The following ADGRV1 variants were observed in gnomAD, a reference collection of about 807,000 sequenced individuals.
The protein encoded by ADGRV1 is adhesion G protein-coupled receptor V1, also known as G-protein coupled receptor 98.
Under a neutral mutation model 596.2 loss-of-function variants are expected in ADGRV1, and 359 were observed. The ratio of observed to expected loss-of-function variants is 0.60; its 90% confidence interval spans 0.55 to 0.66. The LOEUF is 0.66. ADGRV1 is among the 30% of genes least tolerant of loss of function. ADGRV1 has a pLI of 0.00. For synonymous variants in ADGRV1, 2,681 were observed against 2,679.2 expected (o/e 1.00, Z -0.02); for missense variants, 7,274 against 7,575.6 (o/e 0.96, Z 1.48).
intron 83 of ADGRV1, among the ~76,000 whole-genome samples, chr5:90,947,160 A>G (rs1377977227): frequency 6.6e-6 from 1 of 152,022 alleles, no homozygotes; most frequent in African/African-American, 2.4e-5. Context: ...TTGTTTCTTG[A>G]CTTTTAATAA....
chr5:90,642,189 T>G (rs951952532), intron 11 of ADGRV1, among the ~76,000 whole-genome samples: 45 of 152,312 alleles, frequency 3.0e-4, no homozygotes, highest in African/African-American at 1.0e-3. Flanking sequence ...TCAGTTAGTA[T>G]AATCTTATGT....
intron 87 of ADGRV1, among the ~76,000 whole-genome samples, chr5:91,130,622 G>C (rs1794135341): frequency 6.6e-6 from 1 of 150,844 alleles, no homozygotes; most frequent in Non-Finnish European, 1.5e-5. Flanking sequence ...CTGAATGACA[G>C]ACTCTTTTCA....
At chr5:90,711,460 A>C (rs1749341797) in intron 41 of ADGRV1, 138 bp downstream of exon 41, 1 of 612,192 alleles carries the variant, frequency 1.6e-6, no homozygotes, top group East Asian at 3.1e-5. Flanking sequence ...AAATTAGGAC[A>C]GAAGATTTCC....
At chr5:90,884,377 G>A (rs1486533564) in intron 83 of ADGRV1, among the ~76,000 whole-genome samples, 1 of 152,088 alleles carries the variant, frequency 6.6e-6, no homozygotes, top group Non-Finnish European at 1.5e-5. Context: ...CACATTTTAT[G>A]AAATGTATCT....
chr5:90,663,235 A>G (rs940145487), intron 21 of ADGRV1, among the ~76,000 whole-genome samples: 2 of 140,976 alleles, frequency 1.4e-5, no homozygotes, highest in Non-Finnish European at 3.1e-5. Context: ...CCAACAGTGT[A>G]AAAGTGTTCC....
rs774592336 is a variant in ADGRV1, at chr5:90,703,716, T to G, written c.8207T>G (p.Val2736Gly). Residue 2736 changes from valine to glycine, a missense_variant, in exon 35 of 90, where the codon GTT (valine) becomes GGT (glycine). Around this residue, in one of 5 missense-constraint regions of ADGRV1, gnomAD observed 3,643 missense variants for 3,809.2 expected, o/e 0.96. Transcript: ENST00000405460. The stretch of plus-strand genomic sequence containing the variant: ...AGAACTTTCCCTGGTCGAGGAAATG[T>G]TACTGTTAACTGGAAAATTATTGGG... ...VIRTFPGRGN[V>G]TVNWKIIGQN... 25 of 1,605,670 alleles carry G rather than the reference T, an allele frequency of 1.6e-5. No individual in the cohort carries two copies. The highest frequency in any genetic ancestry group is 2.0e-5 in the Non-Finnish European group (23 of 1,175,344).
chr5:90,902,292 G>C (rs140224441), intron 83 of ADGRV1, among the ~76,000 whole-genome samples: 1 of 152,218 alleles, frequency 6.6e-6, no homozygotes, highest in African/African-American at 2.4e-5. Context: ...CCTGTGGAAG[G>C]TTACAGATTA....
Position 91,150,149 on chromosome 5 carries a change from C to T in ADGRV1, c.18552C>T (p.Pro6184=), listed in dbSNP as rs376764785. 1.8e-5 allele frequency: 28 copies of T among 1,595,772 alleles called. No homozygotes were observed. The highest frequency in any genetic ancestry group is 1.5e-4 in the African/African-American group (11 of 74,000). The change falls in exon 88 of 90, where the codon CCC becomes CCT. Residue 6184 remains proline (P), a synonymous_variant. Transcript: ENST00000405460. ...HPGPSTAFFT[P]GSGMPPAGGE... is the part of the protein sequence containing the mutation. ...GACCCAGCACAGCCTTTTTCACGCCCGGGAGTGGAATGCCTCCTGCTGGAG... is the reference window on the plus strand; with the variant it reads ...GACCCAGCACAGCCTTTTTCACGCCTGGGAGTGGAATGCCTCCTGCTGGAG...
intron 86 of ADGRV1, among the ~76,000 whole-genome samples, chr5:91,097,510 C>T (rs557686932): frequency 2.6e-5 from 4 of 152,222 alleles, no homozygotes; most frequent in South Asian, 2.1e-4. Flanking sequence ...CACCTTTTGG[C>T]TATTGTGATA....
At chr5:90,946,220 C>T (rs956525530) in intron 83 of ADGRV1, among the ~76,000 whole-genome samples, 1 of 151,778 alleles carries the variant, frequency 6.6e-6, no homozygotes, top group Non-Finnish European at 1.5e-5. Flanking sequence ...ACCGCAGTGC[C>T]GCAGCTGAGT....
At chr5:91,078,605 C>T (rs1789052838) in intron 86 of ADGRV1, among the ~76,000 whole-genome samples, 1 of 152,176 alleles carries the variant, frequency 6.6e-6, no homozygotes. Flanking sequence ...TTGGAAGCCA[C>T]CATCTAAGTT....
intron 21 of ADGRV1, among the ~76,000 whole-genome samples, chr5:90,671,738 A>G (rs1023263806): frequency 3.3e-5 from 5 of 152,116 alleles, no homozygotes; most frequent in Non-Finnish European, 7.4e-5. Context: ...TTTTTCTCCA[A>G]ACTATATATT....
chr5:90,643,076 TAAGA>T, intron 13 of ADGRV1, 35 bp downstream of exon 13: 1 of 1,508,216 alleles, frequency 6.6e-7, no homozygotes, highest in South Asian at 1.1e-5. Flanking sequence ...TGTTTCTCTG[TAAGA>T]TTGATAGTAT....
intron 59 of ADGRV1, among the ~76,000 whole-genome samples, chr5:90,763,931 T>C (rs923796133): frequency 2.6e-5 from 4 of 152,248 alleles, no homozygotes; most frequent in African/African-American, 7.2e-5. Context: ...TCACTGTTGA[T>C]GGACACTAAA....
At chr5:90,907,119 G>A (rs928743121) in intron 83 of ADGRV1, among the ~76,000 whole-genome samples, 1 of 152,152 alleles carries the variant, frequency 6.6e-6, no homozygotes, top group Admixed American at 6.5e-5. Flanking sequence ...GTTATTATGG[G>A]CATTATGAAT....
chr5:90,863,779 C>T lies in ADGRV1; in HGVS notation c.17778C>T (p.Ser5926=), dbSNP rs756635099. The part of the protein sequence containing the change: ...CISGLCLAVL[S]HIFCARYSMF... ...CAGGTCTTTGCTTGGCTGTTCTTTCCCATATCTTCTGTGCCAGGTACTCCA... is the reference window on the plus strand; with the variant it reads ...CAGGTCTTTGCTTGGCTGTTCTTTCTCATATCTTCTGTGCCAGGTACTCCA... Residue 5926 remains serine, a synonymous_variant, in exon 83 of 90, where the codon TCC becomes TCT. Transcript: ENST00000405460. 4.3e-6 allele frequency: 7 copies of T among 1,613,272 alleles called. No homozygotes were observed. The highest frequency in any genetic ancestry group is 1.7e-4 in the Middle Eastern group (1 of 6,058).
chr5:90,921,243 T>A (rs962969366), intron 83 of ADGRV1, among the ~76,000 whole-genome samples: 1 of 152,248 alleles, frequency 6.6e-6, no homozygotes, highest in Non-Finnish European at 1.5e-5. Flanking sequence ...AATATCACAC[T>A]GTGTGAATGG....
chr5:90,560,171 T>C (rs1237964815), intron 1 of ADGRV1, among the ~76,000 whole-genome samples: 1 of 152,182 alleles, frequency 6.6e-6, no homozygotes, highest in Admixed American at 6.5e-5. Context: ...AGTTTCTTCA[T>C]TTATAAAATA....
chr5:90,763,639 G>A (rs973054579), intron 59 of ADGRV1, among the ~76,000 whole-genome samples, 170 bp downstream of exon 59: 12 of 152,120 alleles, frequency 7.9e-5, no homozygotes, highest in African/African-American at 2.7e-4. Context: ...AGTGAATATA[G>A]TACCCAATAG....
Sources: gnomAD v4.1 joint callset for allele counts (sites outside exome capture counted in the v4.1 genomes callset) on GRCh38, gnomAD v4.1.1 for gene constraint, gnomAD v4.1.1 regional missense constraint, MANE v1.5 for transcripts, NCBI Gene and HGNC (gene_info 2026-07-23, HGNC 2026-07-21) for gene names.